Variants in NMT2 observed in about 807,000 individuals in gnomAD.
NMT2 encodes glycylpeptide N-tetradecanoyltransferase 2.
NMT2 carries 35 observed loss-of-function variants against 65.4 expected under a neutral mutation model. The ratio of observed to expected loss-of-function variants is 0.54; its 90% CI spans 0.41 to 0.71. NMT2 has a LOEUF of 0.71. Among genes scored for constraint, NMT2 ranks in the 30% least tolerant of loss-of-function variants. The pLI, the probability that NMT2 is intolerant of heterozygous loss-of-function variation, is 0.00. For synonymous variants in NMT2, 226 were observed against 231.8 expected (o/e 0.98, Z 0.23); for missense variants, 489 against 611.3 (o/e 0.80, Z 2.11).
chr10:15,138,206 T>C (rs1468557255), intron 2 of NMT2, among the ~76,000 whole-genome samples: 1 of 152,132 alleles, frequency 6.6e-6, no homozygotes, highest in African/African-American at 2.4e-5. Context: ...AGACAGGGTT[T>C]CACCATGTCG....
In NMT2 at chr10:15,152,268, A is replaced by G. The variant is rs185932074; in HGVS notation, c.111-10711T>C. On this transcript the variant is annotated intron_variant, in intron 1 of 11. Coordinates refer to ENST00000378165, the MANE Select transcript of NMT2 (RefSeq NM_004808.3). ...CGTGGAGTCCTCAAACACAAAAGGA[A>G]ATGCACCTCCCAGATTCAAAAGGGA... Among the ~76,000 whole-genome samples the G allele has an allele frequency of 3.7e-4, 56 of 152,332 alleles. No homozygotes were observed. The East Asian group carries it at 8.3e-3, about 23-fold the overall frequency.
rs997507211 is a variant in NMT2 at position 15,107,060 on chromosome 10, G to A, written c.*2135C>T. Among the ~76,000 whole-genome samples the A allele has an allele frequency of 2.0e-5, 3 of 148,922 alleles. No homozygotes were observed. The Admixed American group carries it at 2.0e-4, about 10-fold the overall frequency. Reference sequence around the variant, plus strand: ...GAGTTTGGGGCTGCAGTGAGCTGTTGACTGTGCCACTGTATTCTAGCCTGG... The same window carrying A: ...GAGTTTGGGGCTGCAGTGAGCTGTTAACTGTGCCACTGTATTCTAGCCTGG... On this transcript the variant is annotated 3_prime_UTR_variant, in exon 12 of 12. Coordinates refer to ENST00000378165, the MANE Select transcript of NMT2 (RefSeq NM_004808.3).
At chr10:15,144,738 A>G (rs1846903104) in intron 1 of NMT2, among the ~76,000 whole-genome samples, 1 of 152,178 alleles carries the variant, frequency 6.6e-6, no homozygotes, top group African/African-American at 2.4e-5. Context: ...CTCAAAAAAA[A>G]AAAAGAAAGA....
rs758069633 is a variant in NMT2, at chr10:15,119,509, G to A, written c.1004C>T (p.Thr335Ile). Residue 335 changes from threonine (T) to isoleucine (I), a missense_variant, in exon 9 of 12, where the codon ACA becomes ATA. By Grantham distance (89) the Thr-to-Ile change is moderately conservative. Coordinates refer to ENST00000378165, the MANE Select transcript of NMT2 (RefSeq NM_004808.3). The stretch of plus-strand genomic sequence containing the variant: ...CATTGGTCTCAAACCTGAAGTCTTT[G>A]TAACCTTGTTGGAGGGGAAACAAAA... ...TMKLYRLPDV[T>I]KTSGLRPMEP... 2 of 1,613,230 alleles carry A rather than the reference G, an allele frequency of 1.2e-6. No individual in the cohort carries two copies. Among genetic ancestry groups the A allele is most frequent in the Non-Finnish European group, 1.7e-6 (2 of 1,179,672 alleles).
intron 1 of NMT2, among the ~76,000 whole-genome samples, chr10:15,167,759 G>A (rs148331617): frequency 1.7e-3 from 266 of 152,330 alleles, no homozygotes; most frequent in African/African-American, 5.7e-3. Context: ...TAAGAAATCC[G>A]ATCAAGTGTG....
At position 15,106,087 on chromosome 10, in the gene NMT2, G is replaced by C. The variant is rs1280136460; in HGVS notation, c.*3108C>G. On this transcript the variant is annotated 3_prime_UTR_variant, in exon 12 of 12. Transcript: ENST00000378165. ...CCGGCTCACTGCAACCCCGCCTCCT[G>C]GGTTCAAGCGATTCTCCTGCCTCAG... 1 of 326,750 alleles carries C rather than the reference G, an allele frequency of 3.1e-6. No homozygotes were observed. The highest frequency in any genetic ancestry group is 4.3e-5 in the Admixed American group (1 of 23,460). 20.2% of individuals were successfully genotyped at this position (326,750 alleles called of 1,614,324 possible).
rs1333949603 is a variant in NMT2, at chr10:15,112,188, ATATATATATATATATAT to A, written c.1338+591_1338+607del. Reference sequence around the variant, plus strand: ...AGATATGGGCTTTATATATATATATATATATATATATATATATATATATATATATTTTTTTTTTTTTT... The same window carrying A: ...AGATATGGGCTTTATATATATATATAATATATATATATTTTTTTTTTTTTT... On this transcript the variant is annotated intron_variant, in intron 10 of 11. Transcript: ENST00000378165. 4.6e-4 allele frequency among the ~76,000 whole-genome samples: 4 copies of A among 8,664 alleles called. No individual in the cohort carries two copies. The East Asian group carries it at 7.9e-3, about 17-fold the overall frequency. 5.7% of individuals were successfully genotyped at this position (8,664 alleles called of 152,430 possible).
chr10:15,153,566 C>T (rs543624191), intron 1 of NMT2, among the ~76,000 whole-genome samples: 1 of 152,356 alleles, frequency 6.6e-6, no homozygotes, highest in African/African-American at 2.4e-5. Context: ...ATACGTCACA[C>T]TACTTATTCA....
chr10:15,152,986 A>C (rs545449393), intron 1 of NMT2, among the ~76,000 whole-genome samples: 1 of 152,348 alleles, frequency 6.6e-6, no homozygotes, highest in African/African-American at 2.4e-5. Flanking sequence ...TTGAAGAGGT[A>C]ATGGTGTATC....
At chr10:15,125,146 C>T (rs1020793114) in intron 8 of NMT2, among the ~76,000 whole-genome samples, 1 of 152,246 alleles carries the variant, frequency 6.6e-6, no homozygotes, top group Non-Finnish European at 1.5e-5. Context: ...GTTTCTTCAT[C>T]TGTAAAATGG....
chr10:15,160,215 C>T lies in NMT2; in HGVS notation c.110+8288G>A, dbSNP rs183448319. Among the ~76,000 whole-genome samples, 25 of 152,342 alleles carry T rather than the reference C, an allele frequency of 1.6e-4. 1 individual carries two copies. In the South Asian group the frequency reaches 3.3e-3, roughly 20 times the overall value. On this transcript the variant is annotated intron_variant, in intron 1 of 11. Transcript: ENST00000378165. ...GACCTCCCTCCCTCCCCATTAGCCA[C>T]AAACGCTTCAGCAAATGCTGTGCAC...
In NMT2 at chr10:15,106,543, C is replaced by T. The variant is rs1371996012; in HGVS notation, c.*2652G>A. On this transcript the variant is annotated 3_prime_UTR_variant, in exon 12 of 12. Coordinates refer to ENST00000378165, the MANE Select transcript of NMT2 (RefSeq NM_004808.3). ...GAAATTCCAAGTCTTCCATTATCTC[C>T]AAGAGAGGTCCTATATTATGTACTA... 1.8e-6 allele frequency: 1 copy of T among 556,282 alleles called. No homozygotes were observed. The highest frequency in any genetic ancestry group is 2.3e-6 in the Non-Finnish European group (1 of 437,634). 34.5% of individuals were successfully genotyped at this position (556,282 alleles called of 1,614,324 possible).
rs1845381993 is a variant in NMT2 at position 15,108,336 on chromosome 10, G to A, written c.*859C>T. On this transcript the variant is annotated 3_prime_UTR_variant, in exon 12 of 12. Coordinates refer to ENST00000378165, the MANE Select transcript of NMT2 (RefSeq NM_004808.3). ...CAAGCAGCTGGGACTACAGGCACAC[G>A]CCACCACGCCCGGCTAATTTTTGTA... 3 of 472,788 alleles carry A rather than the reference G, an allele frequency of 6.3e-6. No individual in the cohort carries two copies. Among genetic ancestry groups the A allele is most frequent in the African/African-American group, 2.1e-5 (1 of 47,324 alleles). 29.3% of individuals were successfully genotyped at this position (472,788 alleles called of 1,614,324 possible). A position where few individuals can be genotyped will look rare whatever the true frequency, so the allele number is the denominator to read the frequency against.
chr10:15,109,199 T>C lies in NMT2; in HGVS notation c.1493A>G (p.Gln498Arg), dbSNP rs1845420187. The change falls in exon 12 of 12, where the codon CAA (glutamine) becomes CGA (arginine). Residue 498 changes from glutamine (Q) to arginine (R), a missense_variant. Gln to Arg is a conservative substitution (Grantham distance 43, BLOSUM62 1). Transcript: ENST00000378165. ...TDSEKVGLVL[Q>R] ...TCTAGAAATAAAAATATCCATCTAT[T>C]GTAGTACTAGTCCAACCTGAAGGGA... is the stretch of plus-strand genomic sequence containing the variant. 1.2e-6 allele frequency: 2 copies of C among 1,604,894 alleles called. No homozygotes were observed. The highest frequency in any genetic ancestry group is 1.7e-6 in the Non-Finnish European group (2 of 1,176,866).
chr10:15,156,859 G>A (rs1833019263), intron 1 of NMT2, among the ~76,000 whole-genome samples: 1 of 151,602 alleles, frequency 6.6e-6, no homozygotes, highest in South Asian at 2.1e-4. Flanking sequence ...TTGCGCCACT[G>A]CACTCCAGCC....
intron 8 of NMT2, among the ~76,000 whole-genome samples, chr10:15,124,283 G>GT: frequency 6.6e-6 from 1 of 152,296 alleles, no homozygotes; most frequent in East Asian, 1.9e-4. Flanking sequence ...ATCGTAAGGC[G>GT]TGTTTCTTGG....
At position 15,119,336 on chromosome 10, in the gene NMT2, T is replaced by C. The variant is rs374980725; in HGVS notation, c.1170+7A>G. On this transcript the variant is annotated splice_region_variant and intron_variant, in intron 9 of 11. Coordinates refer to ENST00000378165, the MANE Select transcript of NMT2 (RefSeq NM_004808.3). ...GAGAAGCTTTATGTTTATCACCTTG[T>C]CTTTACCTCCACTACAAACGTGTCA... 1.9e-5 allele frequency: 30 copies of C among 1,613,782 alleles called. No individual in the cohort carries two copies. In the African/African-American group the frequency reaches 3.3e-4, roughly 18 times the overall value.
At chr10:15,158,323 A>G (rs1490681117) in intron 1 of NMT2, among the ~76,000 whole-genome samples, 4 of 152,046 alleles carry the variant, frequency 2.6e-5, no homozygotes, top group African/African-American at 9.7e-5. Flanking sequence ...CTCAAAAAAA[A>G]AAAAAAGAAA....
intron 9 of NMT2, among the ~76,000 whole-genome samples, chr10:15,115,380 T>C (rs1845710270): frequency 6.6e-6 from 1 of 152,216 alleles, no homozygotes. Context: ...TAATAAATGT[T>C]GTTACCAATC....
Sources: gnomAD v4.1 joint callset for allele counts (sites outside exome capture counted in the v4.1 genomes callset) on GRCh38, gnomAD v4.1.1 for gene constraint, MANE v1.5 for transcripts, NCBI Gene and HGNC (gene_info 2026-07-23, HGNC 2026-07-21) for gene names.